Variants in TBL1XR1 observed in about 807,000 individuals in gnomAD.
TBL1XR1 encodes the protein F-box-like/WD repeat-containing protein TBL1XR1.
A neutral mutation model predicts 66.9 loss-of-function variants in TBL1XR1; 5 were observed. That is an observed-to-expected ratio of 0.07 (90% CI 0.04 to 0.16). The LOEUF is 0.16. Among genes scored for constraint, TBL1XR1 ranks in the 10% least tolerant of loss-of-function variants. The pLI is 1.00. For missense variants in TBL1XR1, 238 were observed against 623.2 expected, an observed-to-expected ratio of 0.38 and a Z score of 6.58; for synonymous variants, 210 against 206.0, an observed-to-expected ratio of 1.02 and a Z score of -0.17.
At chr3:177,172,998 C>T (rs1010872462) in intron 1 of TBL1XR1, among the ~76,000 whole-genome samples, 1 of 152,052 alleles carries the variant, frequency 6.6e-6, no homozygotes, top group African/African-American at 2.4e-5. Flanking sequence ...CAAGGAGAAA[C>T]CTCGTATCTA....
intron 2 of TBL1XR1, among the ~76,000 whole-genome samples, chr3:177,090,136 A>T (rs1006306994): frequency 6.6e-6 from 1 of 152,222 alleles, no homozygotes; most frequent in African/African-American, 2.4e-5. Flanking sequence ...TGCAGCTGTA[A>T]AACAATGAAT....
rs1553817809 is a variant in TBL1XR1 at position 177,054,073 on chromosome 3, T to TGC, written c.59-157_59-156dup. Among the ~76,000 whole-genome samples the TGC allele has an allele frequency of 0.15, 19,195 of 124,758 alleles. 1,704 individuals are homozygous for TGC. The highest frequency in any genetic ancestry group is 0.46 in the East Asian group (2,156 of 4,650). The allele number at this position is 124,758 out of a possible 152,430, so 81.8% of individuals were successfully genotyped here. On this transcript the variant is annotated intron_variant, in intron 3 of 15. Coordinates refer to ENST00000457928, the MANE Select transcript of TBL1XR1 (RefSeq NM_024665.7). The stretch of plus-strand genomic sequence containing the variant: ...GTGTGTGTGTGTGTGTGTGTGTGTG[T>TGC]GCGCGCGCGTGTGTGTGCATGTAAA...
intron 2 of TBL1XR1, among the ~76,000 whole-genome samples, chr3:177,078,059 A>C (rs1004023520): frequency 6.6e-6 from 1 of 152,186 alleles, no homozygotes; most frequent in Non-Finnish European, 1.5e-5. Flanking sequence ...TAACCCACTA[A>C]GTGTTAACAT....
At chr3:177,048,346 G>C (rs1716599231) in intron 7 of TBL1XR1, among the ~76,000 whole-genome samples, 2 of 152,196 alleles carry the variant, frequency 1.3e-5, no homozygotes, top group African/African-American at 2.4e-5. Context: ...GCTAGAATCA[G>C]TAAACATTAC....
intron 1 of TBL1XR1, among the ~76,000 whole-genome samples, chr3:177,135,219 T>C (rs1168607014): frequency 6.8e-6 from 1 of 147,638 alleles, no homozygotes. Context: ...CCAGACTGGT[T>C]TCAAACTCCT....
At chr3:177,145,768 G>C (rs762170520) in intron 1 of TBL1XR1, among the ~76,000 whole-genome samples, 2 of 152,218 alleles carry the variant, frequency 1.3e-5, no homozygotes, top group African/African-American at 4.8e-5. Flanking sequence ...CCATTTATCA[G>C]AGTAGATTAA....
At chr3:177,114,541 T>G (rs1577210105) in intron 1 of TBL1XR1, among the ~76,000 whole-genome samples, 1 of 150,564 alleles carries the variant, frequency 6.6e-6, no homozygotes, top group African/African-American at 2.4e-5. Context: ...GCTCAAGAGA[T>G]CCTCCTGCCT....
At chr3:177,149,592 G>C (rs979956329) in intron 1 of TBL1XR1, among the ~76,000 whole-genome samples, 2 of 152,104 alleles carry the variant, frequency 1.3e-5, no homozygotes, top group African/African-American at 4.8e-5. Flanking sequence ...GCAAGCAACT[G>C]AAACAAAACT....
intron 1 of TBL1XR1, among the ~76,000 whole-genome samples, chr3:177,150,394 G>T (rs990503531): frequency 2.0e-5 from 3 of 152,286 alleles, no homozygotes; most frequent in African/African-American, 7.2e-5. Context: ...GGAATGTGCA[G>T]CTACTATGAA....
intron 12 of TBL1XR1, among the ~76,000 whole-genome samples, chr3:177,034,817 G>GAA (rs897202533): frequency 6.6e-6 from 1 of 151,046 alleles, no homozygotes; most frequent in Non-Finnish European, 1.5e-5. Context: ...AAAAAAAGTA[G>GAA]AAAAAAGTAG....
At chr3:177,037,868 G>A in intron 12 of TBL1XR1, 1 of 460,984 alleles carries the variant, frequency 2.2e-6, no homozygotes, top group East Asian at 3.8e-5. Context: ...ATGTCTCATT[G>A]TATCACAAGC....
At chr3:177,140,779 T>C (rs28695962) in intron 1 of TBL1XR1, among the ~76,000 whole-genome samples, 5,625 of 152,330 alleles carry the variant, frequency 0.037, 205 homozygotes, top group African/African-American at 0.083. Flanking sequence ...TAATTGTTTT[T>C]CAATTTTAAA....
intron 5 of TBL1XR1, among the ~76,000 whole-genome samples, chr3:177,051,187 G>A (rs866023155): frequency 2.8e-4 from 43 of 152,054 alleles, no homozygotes; most frequent in African/African-American, 1.0e-3. Flanking sequence ...ACAAGTTAGG[G>A]AAACAAGTTG....
intron 1 of TBL1XR1, among the ~76,000 whole-genome samples, chr3:177,106,017 A>C (rs1226942560): frequency 3.9e-5 from 6 of 152,184 alleles, no homozygotes; most frequent in Non-Finnish European, 7.3e-5. Flanking sequence ...TTATTAATCT[A>C]ATTTTAAGAT....
intron 1 of TBL1XR1, among the ~76,000 whole-genome samples, chr3:177,178,112 T>C (rs139180057): frequency 1.8e-4 from 28 of 152,218 alleles, no homozygotes; most frequent in Non-Finnish European, 3.2e-4. Flanking sequence ...AATAAGCTTG[T>C]TCAGTGGGTG....
At chr3:177,029,033 A>T (rs1479699750) in intron 14 of TBL1XR1, among the ~76,000 whole-genome samples, 1 of 152,152 alleles carries the variant, frequency 6.6e-6, no homozygotes, top group African/African-American at 2.4e-5. Flanking sequence ...GGCTAAAAAA[A>T]TAAATGTAAA....
chr3:177,120,160 T>G (rs912272597), intron 1 of TBL1XR1, among the ~76,000 whole-genome samples: 3 of 152,196 alleles, frequency 2.0e-5, no homozygotes, highest in Admixed American at 2.0e-4. Flanking sequence ...CTCCCTGTGA[T>G]AGTATAGGTC....
intron 7 of TBL1XR1, among the ~76,000 whole-genome samples, chr3:177,048,410 G>A (rs191728365): frequency 1.6e-4 from 24 of 152,118 alleles, no homozygotes; most frequent in Admixed American, 7.2e-4. Context: ...TTTGGTAAGG[G>A]CATTCAAAAC....
At chr3:177,062,801 A>G (rs1465897850) in intron 3 of TBL1XR1, among the ~76,000 whole-genome samples, 1 of 152,170 alleles carries the variant, frequency 6.6e-6, no homozygotes, top group Non-Finnish European at 1.5e-5. Context: ...ACACCTTAAA[A>G]CATGGAATTT....
Sources: allele counts gnomAD v4.1 joint callset (sites outside exome capture counted in the v4.1 genomes callset), GRCh38; gene constraint gnomAD v4.1.1; transcripts MANE v1.5; gene names NCBI Gene and HGNC (gene_info 2026-07-23, HGNC 2026-07-21).